Variants in ZNF385D observed in about 807,000 individuals in gnomAD.
ZNF385D encodes zinc finger protein 385D, also known as zinc finger protein 659.
Under a neutral mutation model 35.8 loss-of-function variants are expected in ZNF385D, and 15 were observed. The ratio of observed to expected loss-of-function variants is 0.42; its 90% confidence interval spans 0.28 to 0.64. The LOEUF (loss-of-function observed/expected upper bound fraction) is 0.64. ZNF385D is among the 30% of genes least tolerant of loss of function. The pLI is 0.23. For synonymous variants in ZNF385D, 212 were observed against 186.8 expected (o/e 1.13, Z -1.10); for missense variants, 474 against 494.6 (o/e 0.96, Z 0.39).
At chr3:21,880,567 C>T (rs925707754) in intron 3 of ZNF385D, among the ~76,000 whole-genome samples, 4 of 151,970 alleles carry the variant, frequency 2.6e-5, no homozygotes, top group African/African-American at 9.7e-5. Flanking sequence ...CCCTGTCCTT[C>T]GGCCTCCCTA....
At chr3:22,312,605 C>G (rs1703628138) in intron 2 of ZNF385D, among the ~76,000 whole-genome samples, 1 of 152,102 alleles carries the variant, frequency 6.6e-6, no homozygotes, top group Non-Finnish European at 1.5e-5. Flanking sequence ...TATGAACAGA[C>G]ACTTCTCAAA....
Position 21,836,414 on chromosome 3 carries a change from G to C in ZNF385D, c.326-171386C>G, listed in dbSNP as rs529821041. Among the ~76,000 whole-genome samples, 11 of 152,152 alleles carry C rather than the reference G, an allele frequency of 7.2e-5. No homozygotes were observed. In the South Asian group the frequency reaches 2.3e-3, roughly 32 times the overall value. On this transcript the variant is annotated intron_variant, in intron 3 of 5. Transcript: ENST00000494108. The stretch of plus-strand genomic sequence containing the variant: ...TCTGCATATTCAACAAACAAGATAT[G>C]AAGACTGTGAGAGTGAGGTTGAGAC...
At chr3:22,287,087 A>G (rs762656176) in intron 2 of ZNF385D, among the ~76,000 whole-genome samples, 20 of 152,096 alleles carry the variant, frequency 1.3e-4, no homozygotes, top group Non-Finnish European at 2.2e-4. Context: ...TACGATTGCT[A>G]TATTTTGTTG....
intron 4 of ZNF385D, among the ~76,000 whole-genome samples, chr3:21,483,418 G>A (rs1704784903): frequency 6.6e-6 from 1 of 152,092 alleles, no homozygotes; most frequent in Non-Finnish European, 1.5e-5. Flanking sequence ...CTGTATGTGA[G>A]GATTAACAGA....
intron 3 of ZNF385D, among the ~76,000 whole-genome samples, chr3:21,889,451 C>T (rs1575845776): frequency 6.6e-6 from 1 of 152,118 alleles, no homozygotes; most frequent in East Asian, 1.9e-4. Flanking sequence ...AGTGATAGCA[C>T]CCAGTGGGGA....
chr3:21,915,142 C>G (rs1049856304), intron 3 of ZNF385D, among the ~76,000 whole-genome samples: 2 of 151,668 alleles, frequency 1.3e-5, no homozygotes, highest in African/African-American at 4.8e-5. Context: ...GCATGTTTTC[C>G]TTACTGCTCA....
intron 2 of ZNF385D, among the ~76,000 whole-genome samples, chr3:22,272,527 G>GCTT (rs1701229129): frequency 6.6e-6 from 1 of 152,092 alleles, no homozygotes; most frequent in African/African-American, 2.4e-5. Context: ...TCCTCAGGGA[G>GCTT]CAGAAACCTC....
intron 3 of ZNF385D, among the ~76,000 whole-genome samples, chr3:22,065,352 C>T (rs1269920706): frequency 6.6e-6 from 1 of 152,134 alleles, no homozygotes; most frequent in Non-Finnish European, 1.5e-5. Flanking sequence ...AAAAATAGTC[C>T]AATCTATGCC....
rs77043907 is a variant in ZNF385D at position 21,905,512 on chromosome 3, C to T, written c.326-240484G>A. On this transcript the variant is annotated intron_variant, in intron 3 of 5. Transcript: ENST00000494108. ...AGGGCTGATAGAAAAATGGGTTTGA[C>T]CCAAGAAGCTAAACTCTTCAGAATC... Among the ~76,000 whole-genome samples, 1,145 of 151,658 alleles carry T rather than the reference C, an allele frequency of 7.5e-3. 7 individuals carry two copies. The highest frequency in any genetic ancestry group is 0.012 in the Non-Finnish European group (801 of 67,906).
chr3:21,603,177 CCT>C (rs141805548), intron 2 of ZNF385D, among the ~76,000 whole-genome samples: 1 of 152,230 alleles, frequency 6.6e-6, no homozygotes, highest in East Asian at 1.9e-4. Flanking sequence ...TAATAAATGG[CCT>C]CTCTTAAAGA....
At chr3:22,032,757 TTAA>T (rs1434532346) in intron 3 of ZNF385D, among the ~76,000 whole-genome samples, 1 of 152,098 alleles carries the variant, frequency 6.6e-6, no homozygotes, top group Non-Finnish European at 1.5e-5. Context: ...ACAATCACGA[TTAA>T]TAATACTAAT....
At chr3:22,266,606 C>T (rs1700909706) in intron 2 of ZNF385D, among the ~76,000 whole-genome samples, 1 of 151,846 alleles carries the variant, frequency 6.6e-6, no homozygotes, top group Admixed American at 6.6e-5. Flanking sequence ...TCTTAGGGAA[C>T]TTTGCCAGTC....
intron 3 of ZNF385D, among the ~76,000 whole-genome samples, chr3:21,862,282 G>A (rs1352733601): frequency 1.3e-5 from 2 of 148,602 alleles, no homozygotes; most frequent in African/African-American, 2.5e-5. Flanking sequence ...ACTTGAGGCA[G>A]GATATCTCTA....
chr3:22,002,601 C>T (rs944859650), intron 3 of ZNF385D, among the ~76,000 whole-genome samples: 2 of 152,030 alleles, frequency 1.3e-5, no homozygotes, highest in Non-Finnish European at 2.9e-5. Flanking sequence ...ATTCTGACAC[C>T]AAAACCAGAC....
chr3:22,328,283 G>A (rs999680878), intron 2 of ZNF385D, among the ~76,000 whole-genome samples: 5 of 151,266 alleles, frequency 3.3e-5, no homozygotes, highest in African/African-American at 1.2e-4. Flanking sequence ...CCCTTCTACA[G>A]TGAAAGCTGT....
intron 2 of ZNF385D, among the ~76,000 whole-genome samples, chr3:21,647,860 T>A (rs1442003201): frequency 1.3e-5 from 2 of 152,308 alleles, no homozygotes; most frequent in East Asian, 3.9e-4. Flanking sequence ...AAAATAATCA[T>A]TGATCTTTTT....
intron 4 of ZNF385D, among the ~76,000 whole-genome samples, chr3:21,444,269 A>G (rs959726548): frequency 6.8e-5 from 10 of 147,994 alleles, no homozygotes; most frequent in African/African-American, 2.5e-4. Flanking sequence ...TTTAATAGAC[A>G]TGGGGTTTCA....
chr3:22,060,062 C>T (rs1408895884), intron 3 of ZNF385D, among the ~76,000 whole-genome samples: 2 of 152,160 alleles, frequency 1.3e-5, no homozygotes, highest in Admixed American at 1.3e-4. Context: ...CCTTCAAATT[C>T]CAGGATTTAT....
At chr3:21,771,490 A>C (rs1408231850) in intron 3 of ZNF385D, among the ~76,000 whole-genome samples, 2 of 152,006 alleles carry the variant, frequency 1.3e-5, no homozygotes, top group Non-Finnish European at 2.9e-5. Context: ...TCAAAAGGAA[A>C]AAATAAGTCA....
Sources: gnomAD v4.1 joint callset for allele counts (sites outside exome capture counted in the v4.1 genomes callset) on GRCh38, gnomAD v4.1.1 for gene constraint, MANE v1.5 for transcripts, NCBI Gene and HGNC (gene_info 2026-07-23, HGNC 2026-07-21) for gene names.